Variants in UNC79 observed in about 807,000 individuals in gnomAD.
UNC79 encodes the protein protein unc-79 homolog.
A neutral mutation model predicts 283.1 loss-of-function variants in UNC79; 37 were observed. That is an observed-to-expected ratio of 0.13 (90% confidence interval 0.10 to 0.17). UNC79 has a LOEUF of 0.17. Among genes scored for constraint, UNC79 ranks in the 10% least tolerant of loss-of-function variants. The probability of loss-of-function intolerance (pLI) is 1.00; values close to 1 mark genes in which losing one functional copy is unlikely to be tolerated. For synonymous variants in UNC79, 1,107 were observed against 1,200.2 expected (o/e 0.92, Z 1.61); for missense variants, 2,272 against 3,211.1 (o/e 0.71, Z 7.07).
chr14:93,597,603 C>T (rs11160132), intron 24 of UNC79, 63 bp downstream of exon 24: 1,011,308 of 1,511,662 alleles, frequency 0.67, 343,229 homozygotes, highest in Non-Finnish European at 0.7. Flanking sequence ...TAAATCATTG[C>T]GTTGTTTGTC....
chr14:93,466,748 C>T (rs2140254709), intron 1 of UNC79: 2 of 585,902 alleles, frequency 3.4e-6, no homozygotes, highest in Non-Finnish European at 4.3e-6. Flanking sequence ...GACAAATGGA[C>T]AGTGTTGAGA....
downstream of UNC79, chr14:93,707,142 A>G (rs1429842808): frequency 9.5e-6 from 4 of 423,158 alleles, no homozygotes; most frequent in Non-Finnish European, 1.6e-5. Flanking sequence ...TTTAAAAACC[A>G]AATCATTTTT....
At chr14:93,447,458 C>T (rs998478959) in intron 1 of UNC79, among the ~76,000 whole-genome samples, 4 of 151,978 alleles carry the variant, frequency 2.6e-5, no homozygotes, top group Admixed American at 6.6e-5. Flanking sequence ...ATGTTATAAA[C>T]CCCACAAGAT....
chr14:93,641,469 A>G (rs553637884), intron 33 of UNC79, among the ~76,000 whole-genome samples: 2 of 152,276 alleles, frequency 1.3e-5, no homozygotes, highest in South Asian at 2.1e-4. Context: ...CCTGGGCAAC[A>G]TGGCAAAACC....
At chr14:93,500,390 A>C (rs1424577984) in intron 7 of UNC79, among the ~76,000 whole-genome samples, 2 of 152,174 alleles carry the variant, frequency 1.3e-5, no homozygotes, top group African/African-American at 4.8e-5. Context: ...TGTCCTAAGT[A>C]CTGGGGAAGT....
At chr14:93,557,884 T>C (rs1319522712) in intron 14 of UNC79, among the ~76,000 whole-genome samples, 3 of 152,156 alleles carry the variant, frequency 2.0e-5, no homozygotes, top group African/African-American at 4.8e-5. Flanking sequence ...CTTAAGAGAA[T>C]CCTTAAGGCT....
chr14:93,511,526 C>T (rs2059824199), intron 7 of UNC79, among the ~76,000 whole-genome samples: 1 of 152,172 alleles, frequency 6.6e-6, no homozygotes, highest in Non-Finnish European at 1.5e-5. Flanking sequence ...CGGCTCACTG[C>T]AGCCTCTGCC....
At chr14:93,464,087 G>A (rs2057062300) in intron 1 of UNC79, among the ~76,000 whole-genome samples, 1 of 152,068 alleles carries the variant, frequency 6.6e-6, no homozygotes, top group Non-Finnish European at 1.5e-5. Context: ...AGGCAGAGCT[G>A]GTAGTGAGCC....
chr14:93,466,335 C>T (rs1446582140), intron 1 of UNC79, among the ~76,000 whole-genome samples: 1 of 152,206 alleles, frequency 6.6e-6, no homozygotes, highest in Non-Finnish European at 1.5e-5. Context: ...TGATGTCAAG[C>T]AATGGACGTT....
chr14:93,473,898 T>C (rs896991774), intron 2 of UNC79, among the ~76,000 whole-genome samples, 191 bp from the exon 3 acceptor site: 3 of 152,224 alleles, frequency 2.0e-5, no homozygotes, highest in Non-Finnish European at 4.4e-5. Flanking sequence ...AAAGTAAACC[T>C]TGTATTATTG....
intron 1 of UNC79, among the ~76,000 whole-genome samples, chr14:93,357,916 CAT>C (rs2054143599): frequency 9.7e-5 from 2 of 20,576 alleles, no homozygotes; most frequent in Non-Finnish European, 2.0e-4. Context: ...TATATATATC[CAT>C]ATATATAGAT....
chr14:93,435,838 A>T (rs1458425429), intron 1 of UNC79, among the ~76,000 whole-genome samples: 3 of 152,120 alleles, frequency 2.0e-5, no homozygotes, highest in Non-Finnish European at 2.9e-5. Flanking sequence ...CCTCCAATGC[A>T]TCATGTTCTT....
intron 1 of UNC79, among the ~76,000 whole-genome samples, chr14:93,362,669 T>G (rs954833917): frequency 2.7e-4 from 41 of 152,246 alleles, no homozygotes; most frequent in African/African-American, 9.4e-4. Context: ...TTGAAGCTTG[T>G]TTTTGGTTTG....
intron 5 of UNC79, among the ~76,000 whole-genome samples, chr14:93,496,026 G>T (rs971411496): frequency 6.6e-6 from 1 of 152,150 alleles, no homozygotes; most frequent in Non-Finnish European, 1.5e-5. Context: ...TACATATAAA[G>T]CTCTTTCTAC....
chr14:93,578,407 TA>T (rs1325335591), intron 18 of UNC79, among the ~76,000 whole-genome samples: 4 of 152,242 alleles, frequency 2.6e-5, no homozygotes, highest in African/African-American at 9.6e-5. Flanking sequence ...TAATATATTT[TA>T]TACATTGATT....
intron 14 of UNC79, among the ~76,000 whole-genome samples, chr14:93,567,891 AT>A (rs1353735985): frequency 6.6e-6 from 1 of 152,158 alleles, no homozygotes; most frequent in Non-Finnish European, 1.5e-5. Flanking sequence ...CAATCAATAT[AT>A]GTAAGAAATA....
At chr14:93,362,067 G>A (rs1190113274) in intron 1 of UNC79, among the ~76,000 whole-genome samples, 2 of 152,096 alleles carry the variant, frequency 1.3e-5, no homozygotes, top group African/African-American at 4.8e-5. Context: ...TGCTTTTTGG[G>A]TGTGCTGCTA....
At chr14:93,706,780 C>G in exon 49 of UNC79, 3 of 1,614,226 alleles carry the variant, frequency 1.9e-6, no homozygotes, top group Non-Finnish European at 2.5e-6. Context: ...AGGACGCTGC[C>G]GGGCTCGGGC....
intron 43 of UNC79, among the ~76,000 whole-genome samples, chr14:93,687,682 C>T (rs1053351691): frequency 6.6e-6 from 1 of 152,140 alleles, no homozygotes; most frequent in Non-Finnish European, 1.5e-5. Context: ...GAATATCTCA[C>T]GATATGTAAA....
Sources: gnomAD v4.1 joint callset for allele counts (sites outside exome capture counted in the v4.1 genomes callset) on GRCh38, gnomAD v4.1.1 for gene constraint, MANE v1.5 for transcripts, NCBI Gene and HGNC (gene_info 2026-07-23, HGNC 2026-07-21) for gene names.